Variants in ZNF469 observed in about 807,000 individuals in gnomAD.
ZNF469 encodes the protein zinc finger protein 469.
A neutral mutation model predicts 1.0 loss-of-function variants in ZNF469; 1 was observed. That is an observed-to-expected ratio of 1.00 (90% confidence interval 0.35 to 4.73). The LOEUF is 4.73. Ranked by LOEUF, ZNF469 falls within the 30% of genes most tolerant of loss-of-function variation. ZNF469 has a pLI of 0.16. For missense variants in ZNF469, 6,100 were observed against 5,356.3 expected (o/e 1.14, Z -4.33); for synonymous variants, 2,703 against 2,363.4 (o/e 1.14, Z -4.17).
At chr16:88,251,538 C>CTTTTTTTTTTTTTTTTTTTT in the ZNF469 span, among the ~76,000 whole-genome samples, 3 of 51,288 alleles carry the variant, frequency 5.8e-5, 1 homozygote, top group Admixed American at 3.0e-4. Flanking sequence ...TCCCTGCTGT[C>CTTTTTTTTTTTTTTTTTTTT]TTTTTTTTTT....
the ZNF469 span, among the ~76,000 whole-genome samples, chr16:88,167,558 C>T: frequency 2.6e-5 from 4 of 152,222 alleles, no homozygotes; most frequent in Admixed American, 6.5e-5. Flanking sequence ...CTGCACTGGA[C>T]GCCTGCAAGT....
the ZNF469 span, among the ~76,000 whole-genome samples, chr16:88,119,401 G>T: frequency 6.6e-6 from 1 of 152,350 alleles, no homozygotes; most frequent in African/African-American, 2.4e-5. Context: ...TGTGCCGGGT[G>T]TTTGTCATTA....
At chr16:88,369,752 A>G in the ZNF469 span, among the ~76,000 whole-genome samples, 1 of 152,186 alleles carries the variant, frequency 6.6e-6, no homozygotes, top group Non-Finnish European at 1.5e-5. Flanking sequence ...AGCAGGAATA[A>G]CGAGGGGCCA....
At chr16:88,242,375 G>C in the ZNF469 span, among the ~76,000 whole-genome samples, 84 of 152,322 alleles carry the variant, frequency 5.5e-4, no homozygotes, top group African/African-American at 1.9e-3. Flanking sequence ...TGCCGGCAAG[G>C]CTGGCTCTTC....
At chr16:88,276,991 T>C in the ZNF469 span, among the ~76,000 whole-genome samples, 2 of 152,002 alleles carry the variant, frequency 1.3e-5, no homozygotes, top group African/African-American at 4.8e-5. Flanking sequence ...GTCAGTACCA[T>C]GTAGATATCA....
intron 1 of ZNF469, among the ~76,000 whole-genome samples, chr16:88,386,576 G>A (rs1487278456): frequency 1.3e-5 from 2 of 152,176 alleles, no homozygotes; most frequent in Non-Finnish European, 2.9e-5. Context: ...TTCTCCCCGG[G>A]CTCAGCAGGC....
At chr16:88,228,335 C>A in the ZNF469 span, among the ~76,000 whole-genome samples, 1 of 152,238 alleles carries the variant, frequency 6.6e-6, no homozygotes, top group African/African-American at 2.4e-5. Context: ...ACAGCACACA[C>A]GGCGCCTGGC....
chr16:88,160,896 A>T, the ZNF469 span, among the ~76,000 whole-genome samples: 1 of 152,236 alleles, frequency 6.6e-6, no homozygotes, highest in African/African-American at 2.4e-5. Flanking sequence ...TAATCCCAGC[A>T]CTTTGGGAGG....
the ZNF469 span, among the ~76,000 whole-genome samples, chr16:88,137,078 T>C: frequency 1.7e-4 from 26 of 152,178 alleles, no homozygotes; most frequent in African/African-American, 6.0e-4. Flanking sequence ...ACAAGCACCA[T>C]GTGTGTGCAA....
the ZNF469 span, among the ~76,000 whole-genome samples, chr16:88,269,147 G>A: frequency 9.9e-5 from 15 of 152,226 alleles, no homozygotes; most frequent in Non-Finnish European, 1.9e-4. Context: ...GGGCAGGCAC[G>A]GCAGGCGGGA....
chr16:88,196,188 T>C, the ZNF469 span, among the ~76,000 whole-genome samples: 3 of 152,164 alleles, frequency 2.0e-5, no homozygotes, highest in Admixed American at 6.5e-5. Context: ...TGGCGTGAAG[T>C]TGCTCTTAGA....
At chr16:88,128,997 G>A in the ZNF469 span, among the ~76,000 whole-genome samples, 19 of 152,242 alleles carry the variant, frequency 1.2e-4, no homozygotes, top group Non-Finnish European at 2.6e-4. Context: ...TGTGAAATAC[G>A]CATGTTTGCG....
the ZNF469 span, among the ~76,000 whole-genome samples, chr16:88,132,626 C>T: frequency 1.1e-4 from 16 of 152,334 alleles, no homozygotes; most frequent in African/African-American, 3.6e-4. Flanking sequence ...ATCCATATCA[C>T]ATTCTTTCCT....
chr16:88,387,175 C>T (rs144729113), intron 1 of ZNF469, among the ~76,000 whole-genome samples: 6 of 152,316 alleles, frequency 3.9e-5, no homozygotes, highest in Admixed American at 1.3e-4. Context: ...GGACGCCGTC[C>T]GCACCCCTGA....
chr16:88,194,203 T>G, the ZNF469 span: 1 of 152,390 alleles, frequency 6.6e-6, no homozygotes, highest in South Asian at 2.1e-4. Context: ...TGGCACAGCC[T>G]GCTCAGGCCA....
the ZNF469 span, among the ~76,000 whole-genome samples, chr16:88,285,271 T>C: frequency 1.3e-5 from 2 of 152,262 alleles, no homozygotes; most frequent in African/African-American, 2.4e-5. Context: ...TCTGGGTACA[T>C]GAGGGTTCCT....
chr16:88,203,399 C>T, the ZNF469 span, among the ~76,000 whole-genome samples: 3 of 152,164 alleles, frequency 2.0e-5, no homozygotes, highest in African/African-American at 4.8e-5. Flanking sequence ...CTGAGGGCGG[C>T]GCCTGCCTCC....
the ZNF469 span, among the ~76,000 whole-genome samples, chr16:88,343,852 G>A: frequency 6.6e-6 from 1 of 152,248 alleles, no homozygotes; most frequent in Non-Finnish European, 1.5e-5. Flanking sequence ...GAGTTTTGCA[G>A]GGGACAAATA....
Position 88,430,730 on chromosome 16 carries a change from G to T in ZNF469, c.3260G>T (p.Arg1087Leu). The part of the protein sequence containing the change: ...AGRPRPGAED[R>L]RLREYDFASE... Reference sequence around the variant, plus strand: ...AGGCCCCGGCCCGGAGCTGAGGACCGCAGGCTCCGCGAGTACGACTTCGCC... The same window carrying T: ...AGGCCCCGGCCCGGAGCTGAGGACCTCAGGCTCCGCGAGTACGACTTCGCC... Residue 1087 changes from arginine (R) to leucine (L), a missense_variant, in exon 3 of 3, where the codon CGC becomes CTC. Physicochemically the swap from Arg to Leu is moderately radical, Grantham distance 102. Transcript: ENST00000565624. 1 of 1,496,818 alleles carries T rather than the reference G, an allele frequency of 6.7e-7. No homozygotes were observed. Among genetic ancestry groups the T allele is most frequent in the South Asian group, 1.3e-5 (1 of 78,160 alleles). The allele number at this position is 1,496,818 out of a possible 1,614,324, so 92.7% of individuals were successfully genotyped here.
Sources: gnomAD v4.1 joint callset for allele counts (sites outside exome capture counted in the v4.1 genomes callset) on GRCh38, gnomAD v4.1.1 for gene constraint, MANE v1.5 for transcripts, NCBI Gene and HGNC (gene_info 2026-07-23, HGNC 2026-07-21) for gene names.